Variants in ARHGAP22 observed in about 807,000 individuals in gnomAD.
ARHGAP22 encodes rho GTPase-activating protein 22.
A neutral mutation model predicts 59.1 loss-of-function variants in ARHGAP22; 48 were observed. The ratio of observed to expected loss-of-function variants is 0.81; its 90% confidence interval spans 0.64 to 1.03. The LOEUF is 1.03. ARHGAP22 is among the 50% of genes least tolerant of loss of function. The pLI is 0.00. For missense variants in ARHGAP22, 1,015 were observed against 958.7 expected, an observed-to-expected ratio of 1.06 and a Z score of -0.78; for synonymous variants, 445 against 416.4, an observed-to-expected ratio of 1.07 and a Z score of -0.84.
intron 1 of ARHGAP22, among the ~76,000 whole-genome samples, chr10:48,644,830 C>T (rs1422655018): frequency 6.6e-6 from 1 of 151,786 alleles, no homozygotes; most frequent in African/African-American, 2.4e-5. Context: ...GGGCTCAAAT[C>T]AATAAGCTAA....
At chr10:48,445,750 G>T (rs1409835935), downstream of ARHGAP22, 2 of 154,658 alleles carry the variant, frequency 1.3e-5, no homozygotes, top group African/African-American at 2.4e-5. Flanking sequence ...GGCCATGGTG[G>T]AAAGCCCAGG....
At chr10:48,590,197 A>T (rs1401764255) in intron 1 of ARHGAP22, among the ~76,000 whole-genome samples, 2 of 151,926 alleles carry the variant, frequency 1.3e-5, no homozygotes, top group African/African-American at 4.8e-5. Context: ...CCCTGCAAGC[A>T]GGAGAGAAGA....
chr10:48,631,531 T>C (rs2061628887), intron 1 of ARHGAP22, among the ~76,000 whole-genome samples: 1 of 152,214 alleles, frequency 6.6e-6, no homozygotes, highest in African/African-American at 2.4e-5. Flanking sequence ...TCAATTATAC[T>C]TCTTAAAAAT....
In ARHGAP22 at chr10:48,454,088, T is replaced by TA. The variant is rs1180827929; in HGVS notation, c.865_866insT (p.Lys289IlefsTer5). 6.2e-7 allele frequency: 1 copy of TA among 1,613,830 alleles called. No individual in the cohort carries two copies. Among genetic ancestry groups the TA allele is most frequent in the African/African-American group, 1.3e-5 (1 of 74,922 alleles). ...GGTTCCCTCCTGCCAAGCCGCTTAC[T>TA]TGCAGATGTATCTGAGCAGGTTGTA... On this transcript the variant is annotated frameshift_variant and splice_region_variant, in exon 7 of 10. Coordinates refer to ENST00000249601, the MANE Select transcript of ARHGAP22 (RefSeq NM_021226.4). LOFTEE classifies it high-confidence loss of function.
chr10:48,587,076 G>A (rs1391412301), intron 1 of ARHGAP22, among the ~76,000 whole-genome samples: 1 of 152,236 alleles, frequency 6.6e-6, no homozygotes, highest in Non-Finnish European at 1.5e-5. Context: ...CACAGACTTG[G>A]AAGAAACCAC....
chr10:48,617,900 GT>G (rs2061143912), intron 1 of ARHGAP22, among the ~76,000 whole-genome samples: 1 of 151,752 alleles, frequency 6.6e-6, no homozygotes, highest in Non-Finnish European at 1.5e-5. Flanking sequence ...TGAAAAGTTG[GT>G]TTTTTGAAAA....
intron 3 of ARHGAP22, among the ~76,000 whole-genome samples, chr10:48,496,649 T>C (rs2050966236): frequency 6.6e-6 from 1 of 152,006 alleles, no homozygotes; most frequent in South Asian, 2.1e-4. Flanking sequence ...TGTCCCCGGG[T>C]GCCTGCTGAA....
At chr10:48,551,632 C>T (rs1387274642) in intron 3 of ARHGAP22, among the ~76,000 whole-genome samples, 2 of 152,258 alleles carry the variant, frequency 1.3e-5, no homozygotes, top group Non-Finnish European at 2.9e-5. Flanking sequence ...ATTGCTCCCA[C>T]CTCTCAGTAC....
chr10:48,612,490 T>C (rs962271828), intron 1 of ARHGAP22, among the ~76,000 whole-genome samples: 2 of 152,234 alleles, frequency 1.3e-5, no homozygotes, highest in Non-Finnish European at 2.9e-5. Context: ...TTCTCAGCAC[T>C]GGTGGCAGTG....
At chr10:48,595,080 A>G (rs116415801) in intron 1 of ARHGAP22, among the ~76,000 whole-genome samples, 2,354 of 152,176 alleles carry the variant, frequency 0.015, 62 homozygotes, top group African/African-American at 0.054. Flanking sequence ...AGCTCTGGAG[A>G]TACTCCCTGG....
chr10:48,575,821 C>T (rs576140181), intron 2 of ARHGAP22, among the ~76,000 whole-genome samples: 2 of 152,294 alleles, frequency 1.3e-5, no homozygotes, highest in Non-Finnish European at 2.9e-5. Context: ...CCTGCTTCTT[C>T]CAAGGCCCCC....
intron 2 of ARHGAP22, among the ~76,000 whole-genome samples, chr10:48,563,112 C>T (rs1304381997): frequency 6.6e-6 from 1 of 151,610 alleles, no homozygotes; most frequent in Non-Finnish European, 1.5e-5. Context: ...CCGACTCTGA[C>T]CTCTTTGTCT....
chr10:48,587,983 T>C (rs1410550988), intron 1 of ARHGAP22, among the ~76,000 whole-genome samples: 1 of 152,262 alleles, frequency 6.6e-6, no homozygotes, highest in East Asian at 1.9e-4. Context: ...GTGAGCTCCC[T>C]GTGCATAGGA....
At position 48,454,193 on chromosome 10, in the gene ARHGAP22, G is replaced by T. The variant is rs74130280; in HGVS notation, c.793-32C>A. On this transcript the variant is annotated intron_variant, in intron 6 of 9. Coordinates refer to ENST00000249601, the MANE Select transcript of ARHGAP22 (RefSeq NM_021226.4). ...AATGAAGAACAGAATTTCAAACACC[G>T]GCAATGAGGGCCCTGACTGTTCTCT... 46 of 1,583,804 alleles carry T rather than the reference G, an allele frequency of 2.9e-5. No individual in the cohort carries two copies. In the African/African-American group the frequency reaches 5.9e-4, roughly 20 times the overall value.
intron 3 of ARHGAP22, among the ~76,000 whole-genome samples, chr10:48,516,533 T>C (rs922863740): frequency 2.1e-4 from 32 of 151,522 alleles, no homozygotes; most frequent in African/African-American, 7.8e-4. Flanking sequence ...GTCTCAAAAA[T>C]AAATAAATAA....
chr10:48,542,945 G>C (rs1348963493), intron 3 of ARHGAP22, among the ~76,000 whole-genome samples: 2 of 152,180 alleles, frequency 1.3e-5, no homozygotes, highest in African/African-American at 4.8e-5. Context: ...CTGAGCCCAG[G>C]AGTCATCTCC....
intron 3 of ARHGAP22, among the ~76,000 whole-genome samples, chr10:48,523,695 G>A (rs974181784): frequency 6.6e-6 from 1 of 152,100 alleles, no homozygotes; most frequent in South Asian, 2.1e-4. Flanking sequence ...GGCGCCGGGG[G>A]TTCCTCCGTC....
chr10:48,641,062 A>G (rs556646467), intron 1 of ARHGAP22, among the ~76,000 whole-genome samples: 2 of 152,328 alleles, frequency 1.3e-5, no homozygotes, highest in East Asian at 1.9e-4. Context: ...GGTAAAATGC[A>G]TATTGTAATC....
intron 1 of ARHGAP22, among the ~76,000 whole-genome samples, chr10:48,591,374 C>A (rs1011157515): frequency 7.2e-5 from 11 of 152,266 alleles, no homozygotes; most frequent in South Asian, 6.2e-4. Context: ...GAGGAGGAAC[C>A]ATTTCACGCC....
Sources: gnomAD v4.1 joint callset for allele counts (sites outside exome capture counted in the v4.1 genomes callset) on GRCh38, gnomAD v4.1.1 for gene constraint, MANE v1.5 for transcripts, NCBI Gene and HGNC (gene_info 2026-07-23, HGNC 2026-07-21) for gene names.